BACH2: variants seen among roughly 807,000 people sequenced by gnomAD.
The protein encoded by BACH2 is BACH transcriptional regulator 2.
In BACH2, 5 loss-of-function variants were observed where a neutral mutation model predicts 61.8. The ratio of observed to expected loss-of-function variants is 0.08; its 90% CI spans 0.04 to 0.17. BACH2 has a LOEUF of 0.17. BACH2 is among the 10% of genes least tolerant of loss of function. The pLI is 1.00. For synonymous variants in BACH2, 446 were observed against 440.1 expected, an observed-to-expected ratio of 1.01 and a Z score of -0.17; for missense variants, 824 against 1,091.1, an observed-to-expected ratio of 0.76 and a Z score of 3.45.
In BACH2 at chr6:89,932,268, C is replaced by A. The variant is rs979952034; in HGVS notation, c.*140G>T. 6 of 1,106,836 alleles carry A rather than the reference C, an allele frequency of 5.4e-6. No homozygotes were observed. The highest frequency in any genetic ancestry group is 3.1e-4 in the Middle Eastern group (1 of 3,264). 68.6% of individuals were successfully genotyped at this position (1,106,836 alleles called of 1,614,324 possible). On this transcript the variant is annotated 3_prime_UTR_variant, in exon 9 of 9. Coordinates refer to ENST00000257749, the MANE Select transcript of BACH2 (RefSeq NM_021813.4). The stretch of plus-strand genomic sequence containing the variant: ...GAGAAGAGGAGAGGATACTTCGGAA[C>A]AGTATTGCTGCTAAGACCGCTGTAG...
At chr6:90,005,797 A>G (rs1200400359) in intron 6 of BACH2, among the ~76,000 whole-genome samples, 2 of 152,252 alleles carry the variant, frequency 1.3e-5, no homozygotes, top group Non-Finnish European at 2.9e-5. Context: ...TAAGAAAAAA[A>G]GGATCTAGTT....
intron 4 of BACH2, among the ~76,000 whole-genome samples, chr6:90,092,025 T>C (rs1782179504): frequency 6.6e-6 from 1 of 151,808 alleles, no homozygotes; most frequent in South Asian, 2.1e-4. Flanking sequence ...AAAATGGTAA[T>C]AGAAGAAATA....
intron 4 of BACH2, among the ~76,000 whole-genome samples, chr6:90,167,530 A>G (rs1767669841): frequency 6.6e-6 from 1 of 152,022 alleles, no homozygotes; most frequent in African/African-American, 2.4e-5. Flanking sequence ...GTAATTTTTT[A>G]TATTTTTAGT....
intron 5 of BACH2, among the ~76,000 whole-genome samples, chr6:90,009,308 A>C (rs1332694837): frequency 6.6e-6 from 1 of 152,236 alleles, no homozygotes; most frequent in African/African-American, 2.4e-5. Context: ...GTCTTGATGA[A>C]GTATATGTAA....
intron 4 of BACH2, among the ~76,000 whole-genome samples, chr6:90,176,951 G>A (rs1332462268): frequency 6.6e-6 from 1 of 152,032 alleles, no homozygotes; most frequent in Admixed American, 6.6e-5. Flanking sequence ...TGGCTTCTCT[G>A]GCTGGAGACT....
chr6:89,933,329 G>A (rs559557944), intron 8 of BACH2, among the ~76,000 whole-genome samples: 8 of 152,084 alleles, frequency 5.3e-5, no homozygotes, highest in African/African-American at 1.2e-4. Flanking sequence ...ATGACATTTC[G>A]AAAAAAGCAA....
chr6:90,052,773 T>C (rs1780114612), intron 5 of BACH2, among the ~76,000 whole-genome samples: 1 of 152,238 alleles, frequency 6.6e-6, no homozygotes, highest in African/African-American at 2.4e-5. Context: ...CCTTTTTGAT[T>C]GGTATTTGCT....
At chr6:90,167,941 A>T (rs1431900544) in intron 4 of BACH2, among the ~76,000 whole-genome samples, 3 of 152,262 alleles carry the variant, frequency 2.0e-5, no homozygotes, top group African/African-American at 7.2e-5. Flanking sequence ...ACATGGATGT[A>T]AAAGTCATTA....
At chr6:90,199,575 G>A (rs1317422395) in intron 4 of BACH2, among the ~76,000 whole-genome samples, 2 of 152,142 alleles carry the variant, frequency 1.3e-5, no homozygotes, top group African/African-American at 2.4e-5. Context: ...ATACCTCTCA[G>A]AAGGGAGTTA....
At chr6:90,006,580 C>T (rs898061887) in intron 6 of BACH2, among the ~76,000 whole-genome samples, 5 of 152,140 alleles carry the variant, frequency 3.3e-5, no homozygotes, top group East Asian at 1.9e-4. Flanking sequence ...AACAAGGATA[C>T]GAATGTGAAA....
rs546376834 is a variant in BACH2 at position 90,010,655 on chromosome 6, TAA to T, written c.-12-1801_-12-1800del. Among the ~76,000 whole-genome samples, 13 of 152,338 alleles carry T rather than the reference TAA, an allele frequency of 8.5e-5. No homozygotes were observed. The South Asian group carries it at 2.7e-3, about 32-fold the overall frequency. The stretch of plus-strand genomic sequence containing the variant: ...ATATGGTATGTGTAAGCATAACTTT[TAA>T]AGAGTCTGCCACTGTTTTCTAAAGT... On this transcript the variant is annotated intron_variant, in intron 5 of 8. Transcript: ENST00000257749.
chr6:90,228,036 T>C (rs909451359), intron 3 of BACH2, among the ~76,000 whole-genome samples: 3 of 152,208 alleles, frequency 2.0e-5, no homozygotes, highest in Non-Finnish European at 2.9e-5. Context: ...CAAAATAACA[T>C]CTCTGTTTAA....
chr6:90,260,698 TTA>T lies in BACH2; in HGVS notation c.-352-8110_-352-8109del, dbSNP rs561228877. On this transcript the variant is annotated intron_variant, in intron 2 of 8. Coordinates refer to ENST00000257749, the MANE Select transcript of BACH2 (RefSeq NM_021813.4). ...AATATACACATTTCGACCAAATTCT[TTA>T]TGTTAGTTTGGGTCTACCCAGAAGC... 5.4e-4 allele frequency among the ~76,000 whole-genome samples: 82 copies of T among 152,330 alleles called. 2 individuals are homozygous for T. The South Asian group carries it at 0.016, about 30-fold the overall frequency.
chr6:89,933,822 C>T (rs1668270489), intron 8 of BACH2, among the ~76,000 whole-genome samples: 1 of 151,740 alleles, frequency 6.6e-6, no homozygotes, highest in Non-Finnish European at 1.5e-5. Flanking sequence ...CCCTTCTCTA[C>T]AAAAAATACA....
At chr6:90,074,638 A>C (rs1334705530) in intron 5 of BACH2, among the ~76,000 whole-genome samples, 1 of 152,172 alleles carries the variant, frequency 6.6e-6, no homozygotes, top group Non-Finnish European at 1.5e-5. Flanking sequence ...ATTCCTTTCG[A>C]GATATGCTTT....
At chr6:90,175,058 G>T (rs575920283) in intron 4 of BACH2, among the ~76,000 whole-genome samples, 1 of 152,020 alleles carries the variant, frequency 6.6e-6, no homozygotes, top group African/African-American at 2.4e-5. Context: ...CAGAAATGTG[G>T]ATGTTTTCTT....
chr6:90,296,474 A>G lies in BACH2; in HGVS notation c.-446+6T>C, dbSNP rs1772396580. On this transcript the variant is annotated splice_donor_region_variant and intron_variant, in intron 1 of 8. Coordinates refer to ENST00000257749, the MANE Select transcript of BACH2 (RefSeq NM_021813.4). ...CGGGGCCCGGGGCCCGGGGCCCGGG[A>G]CTCACCTCGCCGGAGAACTTTGCGT... is the stretch of plus-strand genomic sequence containing the variant. 6.7e-6 allele frequency: 1 copy of G among 149,480 alleles called. No homozygotes were observed. The highest frequency in any genetic ancestry group is 1.5e-5 in the Non-Finnish European group (1 of 67,184). The allele number at this position is 149,480 out of a possible 1,614,324, so 9.3% of individuals were successfully genotyped here.
rs6454804 is a variant in BACH2 at position 90,181,103 on chromosome 6, A to G, written c.-162+25466T>C. Among the ~76,000 whole-genome samples the G allele has an allele frequency of 5.5e-3, 836 of 152,292 alleles. 5 individuals carry two copies. The highest frequency in any genetic ancestry group is 0.02 in the Middle Eastern group (6 of 294). Reference sequence around the variant, plus strand: ...TTGAGAAATCTCCATATTGTTTTCCACAGAGGGTGTACCAATTTACATTCC... The same window carrying G: ...TTGAGAAATCTCCATATTGTTTTCCGCAGAGGGTGTACCAATTTACATTCC... On this transcript the variant is annotated intron_variant, in intron 4 of 8. Coordinates refer to ENST00000257749, the MANE Select transcript of BACH2 (RefSeq NM_021813.4).
chr6:90,051,447 C>T (rs1479961038), intron 5 of BACH2, among the ~76,000 whole-genome samples: 1 of 152,148 alleles, frequency 6.6e-6, no homozygotes, highest in East Asian at 1.9e-4. Flanking sequence ...AGAGCTCTAT[C>T]CACCCATTTA....
Sources: allele counts gnomAD v4.1 joint callset (sites outside exome capture counted in the v4.1 genomes callset), GRCh38; gene constraint gnomAD v4.1.1; transcripts MANE v1.5; gene names NCBI Gene and HGNC (gene_info 2026-07-23, HGNC 2026-07-21).